DBF4B: variants seen among roughly 807,000 people sequenced by gnomAD.
DBF4B encodes the protein DBF4B-CDC7 kinase regulatory subunit.
DBF4B carries 49 observed loss-of-function variants against 53.4 expected under a neutral mutation model. The ratio of observed to expected loss-of-function variants is 0.92; its 90% CI spans 0.73 to 1.16. The LOEUF is 1.16. Ranked by LOEUF, DBF4B falls within the 50% of genes most tolerant of loss-of-function variation. The pLI, the probability that DBF4B is intolerant of heterozygous loss-of-function variation, is 0.00. For synonymous variants in DBF4B, 257 were observed against 288.7 expected, an observed-to-expected ratio of 0.89 and a Z score of 1.11; for missense variants, 692 against 775.0, an observed-to-expected ratio of 0.89 and a Z score of 1.27.
Position 44,749,021 on chromosome 17 carries a change from C to T in DBF4B, c.1189+556C>T, listed in dbSNP as rs1037248720. On this transcript the variant is annotated intron_variant, in intron 13 of 13. Transcript: ENST00000315005. The surrounding 1 kb of genome is among the most constrained non-coding windows in gnomAD (Gnocchi z 4.4). ...CCAGGGCCTGAGGATTCTGAGTGTA[C>T]AGCCACTGGCCCTGTATCCCAGGAG... 4.7e-6 allele frequency: 6 copies of T among 1,289,856 alleles called. No individual in the cohort carries two copies. The highest frequency in any genetic ancestry group is 6.1e-6 in the Non-Finnish European group (6 of 988,866). 79.9% of individuals were successfully genotyped at this position (1,289,856 alleles called of 1,614,324 possible).
rs867343588 is a variant in DBF4B at position 44,733,891 on chromosome 17, G to A, written c.557-199G>A. The A allele has an allele frequency of 1.4e-5, 8 of 584,446 alleles. No homozygotes were observed. The South Asian group carries it at 1.6e-4, about 12-fold the overall frequency. The allele number at this position is 584,446 out of a possible 1,614,324, so 36.2% of individuals were successfully genotyped here. A position where few individuals can be genotyped will look rare whatever the true frequency, so the allele number is the denominator to read the frequency against. ...AGAGCATGACACCCGCTCAGGTGCT[G>A]TTCCAGGGATAGAGGACCCAGTCCT... On this transcript the variant is annotated intron_variant, in intron 6 of 13. Transcript: ENST00000315005.
At chr17:44,723,043 C>T (rs1403930617) in intron 3 of DBF4B, 21 bp downstream of exon 3, 3 of 1,613,180 alleles carry the variant, frequency 1.9e-6, no homozygotes, top group South Asian at 2.2e-5. Flanking sequence ...TGCTCTTCTC[C>T]TGCGATGCCA....
intron 3 of DBF4B, 53 bp from the exon 4 acceptor site, chr17:44,729,852 A>G: frequency 6.3e-7 from 1 of 1,586,712 alleles, no homozygotes; most frequent in Non-Finnish European, 8.6e-7. Context: ...CTTTATATTG[A>G]CAATTCTGCA....
chr17:44,727,739 C>G (rs920081913), intron 3 of DBF4B, among the ~76,000 whole-genome samples: 3 of 152,004 alleles, frequency 2.0e-5, no homozygotes, highest in African/African-American at 7.3e-5. Flanking sequence ...CTCTTGATGC[C>G]CAGGCTGGAG....
chr17:44,737,842 A>G (rs978776737), intron 8 of DBF4B, among the ~76,000 whole-genome samples: 12 of 151,672 alleles, frequency 7.9e-5, no homozygotes, highest in African/African-American at 2.9e-4. Flanking sequence ...ACCACTAAAC[A>G]CTCTTTATCC....
At position 44,730,947 on chromosome 17, in the gene DBF4B, C is replaced by T. The variant is rs1974780884; in HGVS notation, c.418-18C>T. On this transcript the variant is annotated intron_variant, in intron 4 of 13. Coordinates refer to ENST00000315005, the MANE Select transcript of DBF4B (RefSeq NM_145663.3). ...GGTGGCCTAACAGCAGACCTCACTG[C>T]TCTTCTGTCCCTGTCAGGTGCCTCT... The T allele has an allele frequency of 6.2e-7, 1 of 1,613,600 alleles. No individual in the cohort carries two copies.
intron 11 of DBF4B, 64 bp from the exon 12 acceptor site, chr17:44,747,327 G>T (rs2049130914): frequency 6.2e-7 from 1 of 1,605,668 alleles, no homozygotes. Flanking sequence ...TGGGAGGTCA[G>T]CTTCCGTGTC....
Position 44,749,407 on chromosome 17 carries a change from G to C in DBF4B, c.1189+942G>C. 7.8e-7 allele frequency: 1 copy of C among 1,289,416 alleles called. No homozygotes were observed. Among genetic ancestry groups the C allele is most frequent in the African/African-American group, 1.5e-5 (1 of 65,994 alleles). The allele number at this position is 1,289,416 out of a possible 1,614,324, so 79.9% of individuals were successfully genotyped here. A position where few individuals can be genotyped will look rare whatever the true frequency, so the allele number is the denominator to read the frequency against. ...CTCCTCTGCTGGGTGCTGCACACCC[G>C]GCCAGGGCTGACCAGGACGCAGGAG... is the stretch of plus-strand genomic sequence containing the variant. On this transcript the variant is annotated intron_variant, in intron 13 of 13. Transcript: ENST00000315005. The surrounding 1 kb of genome is among the most constrained non-coding windows in gnomAD (Gnocchi z 4.4).
rs1567669902 is a variant in DBF4B, at chr17:44,741,387, TC to T, written c.766del (p.Gly257AspfsTer131). ...TTAAATCCTTTCCTGAAATTTCTTT[TC>T]TTGGACCCAAAGATGCAAGTCCCTT... ...QFKSFPEISF[L>X]GPKDASPFEA... On this transcript the variant is annotated frameshift_variant, in exon 10 of 14. Coordinates refer to ENST00000315005, the MANE Select transcript of DBF4B (RefSeq NM_145663.3). LOFTEE classifies it high-confidence loss of function. 6.2e-7 allele frequency: 1 copy of T among 1,613,854 alleles called. No homozygotes were observed. The highest frequency in any genetic ancestry group is 1.3e-5 in the African/African-American group (1 of 75,058).
chr17:44,726,392 G>A (rs1974346486), intron 3 of DBF4B, among the ~76,000 whole-genome samples: 1 of 151,152 alleles, frequency 6.6e-6, no homozygotes, highest in Admixed American at 6.6e-5. Flanking sequence ...GAGGGGCAGG[G>A]CAATGCTTAT....
intron 5 of DBF4B, chr17:44,731,970 C>T: frequency 1.8e-6 from 1 of 563,566 alleles, no homozygotes; most frequent in Non-Finnish European, 3.2e-6. Context: ...AGTGGTCCTT[C>T]CTCTCCCAAT....
At chr17:44,743,039 G>A (rs1244435562) in intron 10 of DBF4B, among the ~76,000 whole-genome samples, 1 of 152,218 alleles carries the variant, frequency 6.6e-6, no homozygotes, top group East Asian at 1.9e-4. Context: ...TTAAGGGAAT[G>A]TGGCAGTAGA....
In DBF4B at chr17:44,741,340, T is replaced by C; in HGVS notation, c.718T>C (p.Phe240Leu). The C allele has an allele frequency of 6.2e-7, 1 of 1,610,880 alleles. No homozygotes were observed. Among genetic ancestry groups the C allele is most frequent in the Non-Finnish European group, 8.5e-7 (1 of 1,177,212 alleles). The change falls in exon 10 of 14, where the codon TTT becomes CTT. Residue 240 changes from phenylalanine to leucine, a missense_variant. Phe to Leu is a conservative substitution (Grantham distance 22). This residue lies in a region of DBF4B where 597 missense variants were observed against 665.8 expected (regional missense o/e 0.90). Transcript: ENST00000315005. ...FLKIEDESRKFRPFHHQFKSF... is the reference protein window; with the variant it reads ...FLKIEDESRKLRPFHHQFKSF... ...TGGAAGTTTTCTCTGTTGCAGGAAGTTTCGTCCTTTCCATCATCAGTTTAA... is the reference window on the plus strand; with the variant it reads ...TGGAAGTTTTCTCTGTTGCAGGAAGCTTCGTCCTTTCCATCATCAGTTTAA...
intron 13 of DBF4B, chr17:44,750,132 T>G: frequency 1.0e-6 from 1 of 996,488 alleles, no homozygotes; most frequent in Non-Finnish European, 1.2e-6. Flanking sequence ...ACCTGCCAAC[T>G]TCCACATCAC....
intron 5 of DBF4B, chr17:44,731,540 T>C (rs1461720094): frequency 1.2e-5 from 2 of 162,306 alleles, no homozygotes; most frequent in African/African-American, 4.8e-5. Flanking sequence ...GAGGTGGAGG[T>C]TGCAGTGAGC....
chr17:44,736,945 C>T lies in DBF4B; in HGVS notation c.667+79C>T, dbSNP rs143461955. On this transcript the variant is annotated intron_variant, in intron 8 of 13. Transcript: ENST00000315005. Reference sequence around the variant, plus strand: ...TTCCCCACGACTCCCTCTGTGGCAGCATCTGCTCACTTTTCTGTGGCAGCA... The same window carrying T: ...TTCCCCACGACTCCCTCTGTGGCAGTATCTGCTCACTTTTCTGTGGCAGCA... The T allele has an allele frequency of 1.8e-4, 278 of 1,514,968 alleles. 2 individuals carry two copies. In the East Asian group the frequency reaches 5.9e-3, roughly 32 times the overall value. 93.8% of individuals were successfully genotyped at this position (1,514,968 alleles called of 1,614,324 possible). A position where few individuals can be genotyped will look rare whatever the true frequency, so the allele number is the denominator to read the frequency against.
rs531181330 is a variant in DBF4B at position 44,749,999 on chromosome 17, A to G, written c.1190-596A>G. ...CCCAGGCACTTAGTTGGGGCCCAGC[A>G]CTGACCTTTCCCCTGAGCCCAGGAT... On this transcript the variant is annotated intron_variant, in intron 13 of 13. Transcript: ENST00000315005. The surrounding 1 kb of genome is among the most constrained non-coding windows in gnomAD (Gnocchi z 4.4). 89 of 1,005,648 alleles carry G rather than the reference A, an allele frequency of 8.9e-5. No individual in the cohort carries two copies. In the African/African-American group the frequency reaches 1.3e-3, roughly 15 times the overall value. 62.3% of individuals were successfully genotyped at this position (1,005,648 alleles called of 1,614,324 possible). A position where few individuals can be genotyped will look rare whatever the true frequency, so the allele number is the denominator to read the frequency against.
chr17:44,712,145 G>A (rs570898743), intron 2 of DBF4B, among the ~76,000 whole-genome samples: 218 of 151,352 alleles, frequency 1.4e-3, no homozygotes, highest in African/African-American at 4.9e-3. Context: ...AAAAACAGGA[G>A]GCATGAGAGT....
In DBF4B at chr17:44,751,784, C is replaced by A; in HGVS notation, c.*531C>A. 1 of 1,512,178 alleles carries A rather than the reference C, an allele frequency of 6.6e-7. No homozygotes were observed. Among genetic ancestry groups the A allele is most frequent in the South Asian group, 1.3e-5 (1 of 79,758 alleles). The allele number at this position is 1,512,178 out of a possible 1,614,324, so 93.7% of individuals were successfully genotyped here. On this transcript the variant is annotated 3_prime_UTR_variant, in exon 14 of 14. Transcript: ENST00000315005. ...CCACTAAGATCATCTATTCCAAGGT[C>A]ATGGACAGGCTACTGGTGACCAAAG...
Sources: gnomAD v4.1 joint callset for allele counts (sites outside exome capture counted in the v4.1 genomes callset) on GRCh38, gnomAD v4.1.1 for gene constraint, gnomAD v4.1.1 regional missense constraint, Gnocchi (gnomAD v3.1) non-coding constraint, MANE v1.5 for transcripts, NCBI Gene and HGNC (gene_info 2026-07-23, HGNC 2026-07-21) for gene names.